The following UBXN6 variants were observed in gnomAD, a reference collection of about 807,000 sequenced individuals.
UBXN6 encodes the protein UBX domain-containing protein 6.
Under a neutral mutation model 51.4 loss-of-function variants are expected in UBXN6, and 44 were observed. The observed-to-expected ratio is 0.86, with a 90% confidence interval of 0.67 to 1.10. UBXN6 has a LOEUF of 1.10. Ranked by LOEUF, UBXN6 falls within the 50% of genes least tolerant of loss-of-function variation. UBXN6 has a pLI of 0.00. For missense variants in UBXN6, 672 were observed against 596.1 expected, an observed-to-expected ratio of 1.13 and a Z score of -1.32; for synonymous variants, 316 against 263.2, an observed-to-expected ratio of 1.20 and a Z score of -1.94.
intron 4 of UBXN6, among the ~76,000 whole-genome samples, chr19:4,451,295 T>G (rs764945457): frequency 6.6e-6 from 1 of 152,156 alleles, no homozygotes; most frequent in Non-Finnish European, 1.5e-5. Flanking sequence ...TGACCTCAGG[T>G]GATCCACCTG....
chr19:4,456,380 C>T (rs1974739724), intron 1 of UBXN6, among the ~76,000 whole-genome samples: 1 of 151,660 alleles, frequency 6.6e-6, no homozygotes, highest in East Asian at 1.9e-4. Context: ...CCCACTGCCC[C>T]GTGATTCCTG....
At position 4,445,576 on chromosome 19, in the gene UBXN6, C is replaced by T. The variant is rs1427394338; in HGVS notation, c.1248G>A (p.Glu416=). The part of the protein sequence containing the change: ...LTFSWDMAVL[E]DIKAAGAEPD... ...GCTCGGCCCCCGCGGCCTTGATGTCCTCCAGCACAGCCATGTCCCACGAGA... is the reference window on the plus strand; with the variant it reads ...GCTCGGCCCCCGCGGCCTTGATGTCTTCCAGCACAGCCATGTCCCACGAGA... Residue 416 remains glutamate (E), a synonymous_variant, in exon 11 of 11, where the codon GAG becomes GAA. Coordinates refer to ENST00000301281, the MANE Select transcript of UBXN6 (RefSeq NM_025241.3). 9.9e-6 allele frequency: 16 copies of T among 1,613,668 alleles called. No individual in the cohort carries two copies. The highest frequency in any genetic ancestry group is 1.4e-5 in the Non-Finnish European group (16 of 1,180,004).
Position 4,446,414 on chromosome 19 carries a change from C to T in UBXN6, c.921-1G>A. 1 of 1,579,042 alleles carries T rather than the reference C, an allele frequency of 6.3e-7. No homozygotes were observed. The highest frequency in any genetic ancestry group is 8.6e-7 in the Non-Finnish European group (1 of 1,169,370). ...GCTCAGCCGCTCCACCGCCTCGGAC[C>T]TGCACACGCGGGCCAGGTCACGAGG... On this transcript the variant is annotated splice_acceptor_variant, in intron 8 of 10. Coordinates refer to ENST00000301281, the MANE Select transcript of UBXN6 (RefSeq NM_025241.3). LOFTEE classifies it high-confidence loss of function.
intron 1 of UBXN6, among the ~76,000 whole-genome samples, chr19:4,456,412 C>T (rs914004550): frequency 1.3e-5 from 2 of 151,848 alleles, no homozygotes; most frequent in Non-Finnish European, 2.9e-5. Context: ...CTGCCACCTC[C>T]CTGCCTCTCC....
At chr19:4,451,732 G>A (rs949394491) in intron 4 of UBXN6, among the ~76,000 whole-genome samples, 1 of 151,656 alleles carries the variant, frequency 6.6e-6, no homozygotes, top group Non-Finnish European at 1.5e-5. Context: ...CTGCCTCCTG[G>A]ATTCAAGCAA....
chr19:4,452,030 T>G lies in UBXN6; in HGVS notation c.441+334A>C, dbSNP rs145514331. On this transcript the variant is annotated intron_variant, in intron 4 of 10. Coordinates refer to ENST00000301281, the MANE Select transcript of UBXN6 (RefSeq NM_025241.3). ...CAGGCATGGTGGCAGGTGCCTGTAA[T>G]CCCAGCTACTTGAGAGGCTGAGGCA... Among the ~76,000 whole-genome samples the G allele has an allele frequency of 8.2e-3, 1,224 of 149,834 alleles. 16 individuals carry two copies. The highest frequency in any genetic ancestry group is 0.029 in the African/African-American group (1,164 of 40,724).
At position 4,446,844 on chromosome 19, in the gene UBXN6, T is replaced by G. The variant is rs887523586; in HGVS notation, c.692A>C (p.Gln231Pro). Reference protein sequence around the residue: ...IGFQKVLLPAQDQEDPEEFYV... With the variant: ...IGFQKVLLPAPDQEDPEEFYV... ...AGGCCCTGTCCACTTACCCTGATCC[T>G]GGGCGGGAAGCAACACCTTCTGGAA... is the stretch of plus-strand genomic sequence containing the variant. Residue 231 changes from glutamine (Q) to proline (P), a missense_variant, in exon 7 of 11, where the codon CAG becomes CCG. Gln to Pro is a moderately conservative substitution (Grantham distance 76). Transcript: ENST00000301281. The G allele has an allele frequency of 1.9e-6, 3 of 1,613,934 alleles. No homozygotes were observed. In the African/African-American group the frequency reaches 4.0e-5, roughly 22 times the overall value.
Position 4,446,561 on chromosome 19 carries a change from C to G in UBXN6, c.859G>C (p.Glu287Gln). 6.2e-7 allele frequency: 1 copy of G among 1,612,450 alleles called. No individual in the cohort carries two copies. The highest frequency in any genetic ancestry group is 1.3e-5 in the African/African-American group (1 of 75,036). ...AGGTTGAAGAAGTCCCCAGGCAGTT[C>G]GAACTGCGAGGCCAGGGGCGAGGGC... ...FQPSPLASQFELPGDFFNLTA... is the reference protein window; with the variant it reads ...FQPSPLASQFQLPGDFFNLTA... The change falls in exon 8 of 11, where the codon GAA becomes CAA. Residue 287 changes from glutamate (E) to glutamine (Q), a missense_variant. Transcript: ENST00000301281.
At chr19:4,451,920 C>T (rs1974659960) in intron 4 of UBXN6, among the ~76,000 whole-genome samples, 1 of 151,900 alleles carries the variant, frequency 6.6e-6, no homozygotes, top group Non-Finnish European at 1.5e-5. Context: ...GAGGCTGAGG[C>T]GGGTTGATCA....
At chr19:4,448,769 C>A in intron 4 of UBXN6, 1 of 269,232 alleles carries the variant, frequency 3.7e-6, no homozygotes, top group Non-Finnish European at 7.3e-6. Flanking sequence ...CCGCCACTTA[C>A]AGAACCTCCC....
Position 4,446,166 on chromosome 19 carries a change from C to T in UBXN6, c.1083G>A (p.Ala361=), listed in dbSNP as rs572612568. ...GTFYARERLG[A]VYGFVREALQ... is the part of the protein sequence containing the mutation. ...GGGCCTCCCGGACGAACCCGTACAC[C>T]GCCCCCAGCCGCTCCCGAGCGTAGA... is the stretch of plus-strand genomic sequence containing the variant. Residue 361 remains alanine, a synonymous_variant, in exon 10 of 11, where the codon GCG becomes GCA. Coordinates refer to ENST00000301281, the MANE Select transcript of UBXN6 (RefSeq NM_025241.3). 1.3e-5 allele frequency: 21 copies of T among 1,608,282 alleles called. No homozygotes were observed. Among genetic ancestry groups the T allele is most frequent in the East Asian group, 6.7e-5 (3 of 44,692 alleles).
intron 10 of UBXN6, 150 bp downstream of exon 10, chr19:4,445,899 G>A: frequency 7.6e-7 from 1 of 1,312,940 alleles, no homozygotes; most frequent in Non-Finnish European, 1.0e-6. Context: ...CCTGCTGCCA[G>A]TAAGTGGGAA....
chr19:4,453,293 G>A (rs1230099842), intron 3 of UBXN6, among the ~76,000 whole-genome samples, 165 bp downstream of exon 3: 1 of 152,190 alleles, frequency 6.6e-6, no homozygotes, highest in African/African-American at 2.4e-5. Flanking sequence ...GAGCCCCGAA[G>A]GTCCCAGACA....
rs1974545885 is a variant in UBXN6 at position 4,446,971 on chromosome 19, TG to T, written c.616-52del. On this transcript the variant is annotated intron_variant, in intron 6 of 10. Transcript: ENST00000301281. ...GGGGCCCCTGGCTTCCTCCATGGCC[TG>T]GCCACACCCCACCCAGTCCAGGGGC... 3 of 1,569,554 alleles carry T rather than the reference TG, an allele frequency of 1.9e-6. No homozygotes were observed. In the East Asian group the frequency reaches 6.9e-5, roughly 36 times the overall value.
chr19:4,456,734 C>G (rs1048041325), intron 1 of UBXN6, among the ~76,000 whole-genome samples: 1 of 152,194 alleles, frequency 6.6e-6, no homozygotes, highest in South Asian at 2.1e-4. Flanking sequence ...TCTCCCACTT[C>G]CATAATCCAC....
chr19:4,445,947 G>A, intron 10 of UBXN6, 102 bp downstream of exon 10: 2 of 1,493,424 alleles, frequency 1.3e-6, no homozygotes, highest in Non-Finnish European at 1.8e-6. Context: ...CAGGCCCCCT[G>A]CTCTGAGAAC....
rs758062700 is a variant in UBXN6, at chr19:4,445,501, C to T, written c.1323G>A (p.Leu441=). The T allele has an allele frequency of 6.2e-6, 10 of 1,613,744 alleles. No homozygotes were observed. The highest frequency in any genetic ancestry group is 1.7e-5 in the Admixed American group (1 of 59,998). ...PELLSAIEKL[L] is the part of the protein sequence containing the mutation. ...TGAGGCCAACCCTGCTTTTATTTCA[C>T]AAGAGCTTCTCGATGGCTGACAGGA... Residue 441 remains leucine (L), a synonymous_variant, in exon 11 of 11, where the codon TTG becomes TTA. Coordinates refer to ENST00000301281, the MANE Select transcript of UBXN6 (RefSeq NM_025241.3).
At chr19:4,453,851 C>A in intron 2 of UBXN6, 79 bp downstream of exon 2, 1 of 1,551,066 alleles carries the variant, frequency 6.4e-7, no homozygotes, top group South Asian at 1.2e-5. Flanking sequence ...GCTCATGTGA[C>A]TTCTGCATCC....
intron 2 of UBXN6, 33 bp from the exon 3 acceptor site, chr19:4,453,555 C>A (rs368344029): frequency 3.2e-5 from 52 of 1,609,604 alleles, no homozygotes; most frequent in Middle Eastern, 3.3e-4. Context: ...GAGGCAGAGA[C>A]GGGATAGTGA....
Sources: gnomAD v4.1 joint callset for allele counts (sites outside exome capture counted in the v4.1 genomes callset) on GRCh38, gnomAD v4.1.1 for gene constraint, MANE v1.5 for transcripts, NCBI Gene and HGNC (gene_info 2026-07-23, HGNC 2026-07-21) for gene names.